The following PWWP2B variants were observed in gnomAD, a reference collection of about 807,000 sequenced individuals.
The protein encoded by PWWP2B is PWWP domain-containing protein 2B.
Under a neutral mutation model 15.5 loss-of-function variants are expected in PWWP2B, and 9 were observed. The ratio of observed to expected loss-of-function variants is 0.58; its 90% confidence interval spans 0.35 to 1.02. PWWP2B has a LOEUF of 1.02. PWWP2B is among the 50% of genes least tolerant of loss of function. The probability of loss-of-function intolerance (pLI) is 0.02; values close to 1 mark genes in which losing one functional copy is unlikely to be tolerated. For missense variants in PWWP2B, 864 were observed against 865.3 expected, an observed-to-expected ratio of 1.00 and a Z score of 0.02; for synonymous variants, 474 against 403.6, an observed-to-expected ratio of 1.17 and a Z score of -2.09.
At chr10:132,409,628 A>ACCACCCACCCACCCAC (rs57349418) in intron 2 of PWWP2B, among the ~76,000 whole-genome samples, 1 of 143,706 alleles carries the variant, frequency 7.0e-6, no homozygotes, top group Non-Finnish European at 1.5e-5. Flanking sequence ...TCTCTCCCTC[A>ACCACCCACCCACCCAC]CCACCCACCC....
chr10:132,405,538 G>T lies in PWWP2B; in HGVS notation c.1038G>T (p.Glu346Asp). Reference protein sequence around the residue: ...KPHRLGDSEHEPVYRAELVGE... With the variant: ...KPHRLGDSEHDPVYRAELVGE... ...ACCGTCTGGGGGACAGCGAGCACGA[G>T]CCCGTGTACCGGGCCGAGCTGGTGG... is the stretch of plus-strand genomic sequence containing the variant. The change falls in exon 2 of 3, where the codon GAG becomes GAT. Residue 346 changes from glutamate to aspartate, a missense_variant. Glu to Asp is a conservative substitution (Grantham distance 45). Coordinates refer to ENST00000305233, the MANE Select transcript of PWWP2B (RefSeq NM_138499.4). The T allele has an allele frequency of 9.4e-6, 15 of 1,604,000 alleles. No individual in the cohort carries two copies. The highest frequency in any genetic ancestry group is 1.3e-5 in the Non-Finnish European group (15 of 1,178,866).
In PWWP2B at chr10:132,417,170, G is replaced by A. The variant is rs1190286222; in HGVS notation, c.*126G>A. On this transcript the variant is annotated 3_prime_UTR_variant, in exon 3 of 3. Transcript: ENST00000305233. ...GCAGAGCCCACTGGGCACGGTGGTC[G>A]GCCTGGTGTGAGGCCCCCCGGGGAC... The A allele has an allele frequency of 9.5e-6, 14 of 1,476,542 alleles. No homozygotes were observed. The highest frequency in any genetic ancestry group is 2.8e-5 in the African/African-American group (2 of 72,130). The allele number at this position is 1,476,542 out of a possible 1,614,324, so 91.5% of individuals were successfully genotyped here. A position where few individuals can be genotyped will look rare whatever the true frequency, so the allele number is the denominator to read the frequency against.
chr10:132,401,007 G>A (rs2069607923), intron 1 of PWWP2B, among the ~76,000 whole-genome samples: 1 of 152,224 alleles, frequency 6.6e-6, no homozygotes, highest in African/African-American at 2.4e-5. Context: ...AGCCAGGGCT[G>A]TGCTCCTCCC....
chr10:132,415,628 T>TCCACTCACACAC (rs1283771637), intron 2 of PWWP2B, among the ~76,000 whole-genome samples: 2 of 112,494 alleles, frequency 1.8e-5, no homozygotes, highest in Non-Finnish European at 3.5e-5. Context: ...CAATCACACA[T>TCCACTCACACAC]CCACTCACAC....
intron 2 of PWWP2B, among the ~76,000 whole-genome samples, chr10:132,416,572 C>G (rs751449186): frequency 6.6e-6 from 1 of 152,160 alleles, no homozygotes; most frequent in South Asian, 2.1e-4. Context: ...CCCTCAGGGT[C>G]TAGCCCTCCC....
At chr10:132,408,939 C>T (rs758519130) in intron 2 of PWWP2B, among the ~76,000 whole-genome samples, 2 of 152,344 alleles carry the variant, frequency 1.3e-5, no homozygotes, top group South Asian at 2.1e-4. Flanking sequence ...CAGCAGGGGC[C>T]GCGCCAGGAC....
chr10:132,414,598 G>A (rs187920790), intron 2 of PWWP2B, among the ~76,000 whole-genome samples: 14 of 152,312 alleles, frequency 9.2e-5, no homozygotes, highest in Non-Finnish European at 1.0e-4. Context: ...GAGCTGCTGC[G>A]ATTCCGGGGT....
rs2069642895 is a variant in PWWP2B, at chr10:132,403,805, C to T, written c.126-821C>T. 2.6e-5 allele frequency among the ~76,000 whole-genome samples: 4 copies of T among 151,714 alleles called. No individual in the cohort carries two copies. The South Asian group carries it at 6.3e-4, about 24-fold the overall frequency. ...CCCCAGCAGTGGCTGCTCCTGCCCC[C>T]TGTGCCCCTTCCCCTGCAGCTCGTG... On this transcript the variant is annotated intron_variant, in intron 1 of 2. Coordinates refer to ENST00000305233, the MANE Select transcript of PWWP2B (RefSeq NM_138499.4).
In PWWP2B at chr10:132,404,887, G is replaced by A. The variant is rs149315219; in HGVS notation, c.387G>A (p.Pro129=). Residue 129 remains proline, a synonymous_variant, in exon 2 of 3, where the codon CCG becomes CCA. Coordinates refer to ENST00000305233, the MANE Select transcript of PWWP2B (RefSeq NM_138499.4). ...TCGAAGGCGCCCCCTTCCCTCACCC[G>A]CTGTGGCTCCGGGACACGTACAAGC... The part of the protein sequence containing the change: ...PYFEGAPFPH[P]LWLRDTYKLW... The A allele has an allele frequency of 5.8e-5, 87 of 1,495,100 alleles. 1 individual carries two copies. In the African/African-American group the frequency reaches 6.1e-4, roughly 11 times the overall value. 92.6% of individuals were successfully genotyped at this position (1,495,100 alleles called of 1,614,324 possible).
chr10:132,415,339 T>C (rs569697812), intron 2 of PWWP2B, among the ~76,000 whole-genome samples: 9,018 of 130,882 alleles, frequency 0.069, 482 homozygotes, highest in Admixed American at 0.18. Context: ...CCCACACACA[T>C]ATCCACTCAC....
chr10:132,411,087 T>C (rs1676366165), intron 2 of PWWP2B, among the ~76,000 whole-genome samples: 1 of 152,182 alleles, frequency 6.6e-6, no homozygotes, highest in Admixed American at 6.5e-5. Flanking sequence ...ACACTGGGGC[T>C]CTGAGACCAC....
At position 132,406,129 on chromosome 10, in the gene PWWP2B, ACT is replaced by A; in HGVS notation, c.1633_1634del (p.Ser545ProfsTer4). The A allele has an allele frequency of 6.2e-7, 1 of 1,612,594 alleles. No homozygotes were observed. Among genetic ancestry groups the A allele is most frequent in the Non-Finnish European group, 8.5e-7 (1 of 1,179,728 alleles). ...PTTSFLSISK[L>X]SPFSEFFKLR... ...CTACGTCGTTCTTGTCTATTTCAAAACTCTCCCCTTTCTCTGAATTTTTCAAA... is the reference window on the plus strand; with the variant it reads ...CTACGTCGTTCTTGTCTATTTCAAAACTCCCCTTTCTCTGAATTTTTCAAA... On this transcript the variant is annotated frameshift_variant, in exon 2 of 3. Transcript: ENST00000305233. LOFTEE classifies it low-confidence loss of function (END_TRUNC).
At chr10:132,397,570 C>CCGGGCCGGGG (rs912825587) in intron 1 of PWWP2B, among the ~76,000 whole-genome samples, 9 of 149,980 alleles carry the variant, frequency 6.0e-5, no homozygotes, top group East Asian at 4.0e-4. Flanking sequence ...GGGGCGGGCG[C>CCGGGCCGGGG]CGGGCCGGGG....
At chr10:132,407,252 G>A (rs1286430796) in intron 2 of PWWP2B, among the ~76,000 whole-genome samples, 5 of 152,180 alleles carry the variant, frequency 3.3e-5, no homozygotes, top group African/African-American at 4.8e-5. Context: ...AGGCAGGCCA[G>A]GGAGCAGTCC....
In PWWP2B at chr10:132,405,452, C is replaced by T. The variant is rs1564874402; in HGVS notation, c.952C>T (p.Leu318=). Residue 318 remains leucine, a synonymous_variant, in exon 2 of 3, where the codon CTG becomes TTG. Coordinates refer to ENST00000305233, the MANE Select transcript of PWWP2B (RefSeq NM_138499.4). ...CTCGGCCTCCATCCCCAAGTTGAAA[C>T]TGACACGGCCTGTGCCGGCCGGCGC... The part of the protein sequence containing the change: ...APSASIPKLK[L]TRPVPAGADL... 1.2e-6 allele frequency: 2 copies of T among 1,608,448 alleles called. No homozygotes were observed. The highest frequency in any genetic ancestry group is 2.2e-5 in the East Asian group (1 of 44,852).
Position 132,405,146 on chromosome 10 carries a change from G to A in PWWP2B, c.646G>A (p.Glu216Lys). 1.3e-6 allele frequency: 2 copies of A among 1,546,014 alleles called. No individual in the cohort carries two copies. The highest frequency in any genetic ancestry group is 1.7e-6 in the Non-Finnish European group (2 of 1,145,136). The change falls in exon 2 of 3, where the codon GAG becomes AAG. Residue 216 changes from glutamate (E) to lysine (K), a missense_variant. Around this residue, in one of 2 missense-constraint regions of PWWP2B, gnomAD observed 736 missense variants for 687.7 expected, o/e 1.07. Transcript: ENST00000305233. Reference protein sequence around the residue: ...SGPDRELRKPEEPENGEPTAA... With the variant: ...SGPDRELRKPKEPENGEPTAA... ...CCCGGACAGGGAGCTCCGCAAGCCGGAGGAGCCGGAGAACGGCGAGCCCAC... is the reference window on the plus strand; with the variant it reads ...CCCGGACAGGGAGCTCCGCAAGCCGAAGGAGCCGGAGAACGGCGAGCCCAC...
intron 2 of PWWP2B, among the ~76,000 whole-genome samples, chr10:132,416,132 C>T (rs544070492): frequency 1.3e-5 from 2 of 152,200 alleles, no homozygotes; most frequent in East Asian, 3.9e-4. Context: ...TCCGCGGGGC[C>T]GGGACAGGGG....
Position 132,406,035 on chromosome 10 carries a change from G to A in PWWP2B, c.1535G>A (p.Ser512Asn). 1 of 1,613,784 alleles carries A rather than the reference G, an allele frequency of 6.2e-7. No homozygotes were observed. The change falls in exon 2 of 3, where the codon AGT (serine) becomes AAT (asparagine). Residue 512 changes from serine to asparagine, a missense_variant. Coordinates refer to ENST00000305233, the MANE Select transcript of PWWP2B (RefSeq NM_138499.4). ...PWWPARVLDISLGQKEDGEPS... is the reference protein window; with the variant it reads ...PWWPARVLDINLGQKEDGEPS... ...TGGCCGGCGCGTGTTCTTGACATCA[G>A]TCTCGGCCAGAAGGAGGACGGAGAG...
At position 132,403,982 on chromosome 10, in the gene PWWP2B, C is replaced by G. The variant is rs565458697; in HGVS notation, c.126-644C>G. ...CAGACACACGTCATGCACCTGGAACCCTGCTCCCGTAGGACGGCATTCTCC... is the reference window on the plus strand; with the variant it reads ...CAGACACACGTCATGCACCTGGAACGCTGCTCCCGTAGGACGGCATTCTCC... On this transcript the variant is annotated intron_variant, in intron 1 of 2. Coordinates refer to ENST00000305233, the MANE Select transcript of PWWP2B (RefSeq NM_138499.4). Among the ~76,000 whole-genome samples the G allele has an allele frequency of 7.6e-4, 107 of 140,886 alleles. 1 individual carries two copies. Among genetic ancestry groups the G allele is most frequent in the African/African-American group, 2.8e-3 (104 of 37,444 alleles). 92.4% of individuals were successfully genotyped at this position (140,886 alleles called of 152,430 possible). A position where few individuals can be genotyped will look rare whatever the true frequency, so the allele number is the denominator to read the frequency against.
Sources: gnomAD v4.1 joint callset for allele counts (sites outside exome capture counted in the v4.1 genomes callset) on GRCh38, gnomAD v4.1.1 for gene constraint, gnomAD v4.1.1 regional missense constraint, MANE v1.5 for transcripts, NCBI Gene and HGNC (gene_info 2026-07-23, HGNC 2026-07-21) for gene names.